GAPVD1: variants seen among roughly 807,000 people sequenced by gnomAD.
GAPVD1 encodes the protein GTPase activating protein and VPS9 domains 1.
In GAPVD1, 35 loss-of-function variants were observed where a neutral mutation model predicts 155.5. The observed-to-expected ratio is 0.23, with a 90% CI of 0.17 to 0.30. GAPVD1 has a LOEUF of 0.30. GAPVD1 is among the 10% of genes least tolerant of loss of function. GAPVD1 has a pLI of 1.00. For synonymous variants in GAPVD1, 636 were observed against 619.7 expected, an observed-to-expected ratio of 1.03 and a Z score of -0.39; for missense variants, 1,429 against 1,775.7, an observed-to-expected ratio of 0.80 and a Z score of 3.51.
At chr9:125,304,419 GT>G (rs201942035) in intron 5 of GAPVD1, among the ~76,000 whole-genome samples, 67 of 151,628 alleles carry the variant, frequency 4.4e-4, no homozygotes, top group African/African-American at 1.5e-3. Flanking sequence ...TTTTTTGTTT[GT>G]TTTTTTTGTC....
At chr9:125,362,304 G>T (rs537857028) in intron 27 of GAPVD1, among the ~76,000 whole-genome samples, 2 of 152,106 alleles carry the variant, frequency 1.3e-5, no homozygotes, top group South Asian at 4.1e-4. Context: ...GAAATCCGGG[G>T]ATGTTGAGTA....
rs1163574193 is a variant in GAPVD1, at chr9:125,295,487, C to T, written c.-120C>T. 1 of 141,658 alleles carries T rather than the reference C, an allele frequency of 7.1e-6. No individual in the cohort carries two copies. Among genetic ancestry groups the T allele is most frequent in the East Asian group, 2.1e-4 (1 of 4,876 alleles). The allele number at this position is 141,658 out of a possible 1,614,324, so 8.8% of individuals were successfully genotyped here. On this transcript the variant is annotated 5_prime_UTR_variant, in exon 3 of 28. Transcript: ENST00000297933. ...TGGCTCTGTCACCCAGGCTGGAGTG[C>T]AGTGACACGATCTCAGCTCACTGTA...
At chr9:125,360,762 G>GCCACCT in intron 27 of GAPVD1, 37 bp downstream of exon 27, 1 of 1,521,838 alleles carries the variant, frequency 6.6e-7, no homozygotes, top group Non-Finnish European at 9.1e-7. Context: ...GGAGTTATGT[G>GCCACCT]GCATTCTGAG....
intron 8 of GAPVD1, among the ~76,000 whole-genome samples, chr9:125,309,689 A>G (rs1179740209): frequency 6.6e-6 from 1 of 152,140 alleles, no homozygotes; most frequent in Non-Finnish European, 1.5e-5. Context: ...GAAGTAAATG[A>G]TTTTTAGTAA....
intron 23 of GAPVD1, among the ~76,000 whole-genome samples, chr9:125,353,467 C>T (rs1324821435): frequency 6.6e-6 from 1 of 152,194 alleles, no homozygotes; most frequent in Non-Finnish European, 1.5e-5. Flanking sequence ...GCCTGTTACC[C>T]AGTTCCAAAG....
rs1217009680 is a variant in GAPVD1 at position 125,286,832 on chromosome 9, C to G, written c.-149-8626C>G. On this transcript the variant is annotated intron_variant, in intron 2 of 27. Coordinates refer to ENST00000297933, the MANE Select transcript of GAPVD1 (RefSeq NM_001282680.3). ...GGCTCGGTGGCTCACGCCTGTAATC[C>G]TAGCACTTTGGGAGGCTGAGGTGGG... Among the ~76,000 whole-genome samples, 3 of 152,242 alleles carry G rather than the reference C, an allele frequency of 2.0e-5. No individual in the cohort carries two copies. The East Asian group carries it at 5.8e-4, about 29-fold the overall frequency.
intron 2 of GAPVD1, among the ~76,000 whole-genome samples, chr9:125,293,456 T>C (rs549258021): frequency 4.5e-4 from 62 of 138,012 alleles, no homozygotes; most frequent in African/African-American, 1.5e-3. Flanking sequence ...GAGAAATGGC[T>C]TTTTTTTTTT....
chr9:125,350,995 T>G, intron 23 of GAPVD1, 123 bp downstream of exon 23: 1 of 752,984 alleles, frequency 1.3e-6, no homozygotes, highest in Non-Finnish European at 2.2e-6. Context: ...TTTTCCTGGA[T>G]GTAGATTTCT....
At chr9:125,354,550 C>A in intron 23 of GAPVD1, 104 bp from the exon 24 acceptor site, 1 of 698,246 alleles carries the variant, frequency 1.4e-6, no homozygotes. Flanking sequence ...TTTGTAAAAC[C>A]AGTCTGTGCA....
rs368521763 is a variant in GAPVD1, at chr9:125,356,966, C to T, written c.3971+1109C>T. Among the ~76,000 whole-genome samples, 252 of 152,202 alleles carry T rather than the reference C, an allele frequency of 1.7e-3. 1 individual carries two copies. Among genetic ancestry groups the T allele is most frequent in the African/African-American group, 5.6e-3 (232 of 41,524 alleles). ...CTGAGATGACAGGCATGAGCTGTTG[C>T]GCTCAGCCTTGTTTATTTTTTGTAG... On this transcript the variant is annotated intron_variant, in intron 25 of 27. Coordinates refer to ENST00000297933, the MANE Select transcript of GAPVD1 (RefSeq NM_001282680.3).
chr9:125,330,002 G>A (rs1237612486), intron 12 of GAPVD1, 76 bp from the exon 13 acceptor site: 1 of 1,243,828 alleles, frequency 8.0e-7, no homozygotes, highest in Non-Finnish European at 1.1e-6. Context: ...GTTAGCTAGT[G>A]TTTGGCTTTT....
intron 1 of GAPVD1, among the ~76,000 whole-genome samples, chr9:125,264,869 C>T (rs1317689491): frequency 6.6e-6 from 1 of 151,668 alleles, no homozygotes; most frequent in Non-Finnish European, 1.5e-5. Context: ...CAGGTGCTGC[C>T]ACCATGCCTG....
chr9:125,280,081 T>G (rs1836510920), intron 2 of GAPVD1, among the ~76,000 whole-genome samples: 1 of 150,120 alleles, frequency 6.7e-6, no homozygotes, highest in Non-Finnish European at 1.5e-5. Flanking sequence ...TTATTACAAC[T>G]ATTTCAGGAA....
intron 15 of GAPVD1, among the ~76,000 whole-genome samples, chr9:125,334,771 G>C (rs1259614133): frequency 6.7e-6 from 1 of 149,628 alleles, no homozygotes; most frequent in Non-Finnish European, 1.5e-5. Flanking sequence ...GCCAGGTGTG[G>C]TGGCGCATGC....
intron 15 of GAPVD1, among the ~76,000 whole-genome samples, chr9:125,336,290 CAAA>C (rs34270139): frequency 9.7e-4 from 125 of 129,166 alleles, no homozygotes; most frequent in Middle Eastern, 7.7e-3. Context: ...AGCTTGAGAC[CAAA>C]AAAAAAAAAA....
chr9:125,335,154 A>G (rs764922908), intron 15 of GAPVD1: 7 of 750,336 alleles, frequency 9.3e-6, no homozygotes, highest in Admixed American at 1.9e-5. Context: ...TTCCAACTAC[A>G]TGTCCGTGTG....
intron 9 of GAPVD1, among the ~76,000 whole-genome samples, chr9:125,315,598 C>T (rs1012846676): frequency 6.6e-6 from 1 of 152,128 alleles, no homozygotes; most frequent in Non-Finnish European, 1.5e-5. Context: ...TGCCTCTGAT[C>T]TTTCCCAGGG....
At chr9:125,278,995 T>G (rs906366063) in intron 2 of GAPVD1, among the ~76,000 whole-genome samples, 3 of 152,094 alleles carry the variant, frequency 2.0e-5, no homozygotes, top group Non-Finnish European at 4.4e-5. Flanking sequence ...GCAGATCATC[T>G]GAGGTCAGGA....
At chr9:125,263,526 TTG>T in intron 1 of GAPVD1, 59 of 850,370 alleles carry the variant, frequency 6.9e-5, no homozygotes, top group African/African-American at 4.3e-4. Context: ...AGAAGAACTG[TTG>T]TTTTTTTTTT....
Sources: allele counts gnomAD v4.1 joint callset (sites outside exome capture counted in the v4.1 genomes callset), GRCh38; gene constraint gnomAD v4.1.1; transcripts MANE v1.5; gene names NCBI Gene and HGNC (gene_info 2026-07-23, HGNC 2026-07-21).